The following NTNG1 variants were observed in gnomAD, a reference collection of about 807,000 sequenced individuals.
NTNG1 encodes the protein netrin-G1.
In NTNG1, 16 loss-of-function variants were observed where a neutral mutation model predicts 54.0. That is an observed-to-expected ratio of 0.30 (90% CI 0.20 to 0.45). NTNG1 has a LOEUF of 0.45. Among genes scored for constraint, NTNG1 ranks in the 20% least tolerant of loss-of-function variants. NTNG1 has a pLI of 1.00. For missense variants in NTNG1, 530 were observed against 678.7 expected (o/e 0.78, Z 2.43); for synonymous variants, 255 against 263.1 (o/e 0.97, Z 0.30).
At chr1:107,467,445 G>A (rs1326866666) in intron 7 of NTNG1, among the ~76,000 whole-genome samples, 1 of 152,126 alleles carries the variant, frequency 6.6e-6, no homozygotes, top group African/African-American at 2.4e-5. Context: ...GCAGTGCCTG[G>A]CACTTACAAA....
At chr1:107,210,073 A>G (rs1161359454) in intron 2 of NTNG1, among the ~76,000 whole-genome samples, 1 of 152,098 alleles carries the variant, frequency 6.6e-6, no homozygotes, top group Non-Finnish European at 1.5e-5. Context: ...ACTTTGAGCA[A>G]AGGCTGCAAT....
intron 2 of NTNG1, among the ~76,000 whole-genome samples, chr1:107,152,065 T>TACATACATATATACATGTATATAC (rs1654616184): frequency 1.3e-5 from 2 of 151,308 alleles, no homozygotes; most frequent in East Asian, 1.9e-4. Context: ...TACACATATA[T>TACATACATATATACATGTATATAC]ACATACATAT....
At chr1:107,480,589 T>TCCCTTCCCC in intron 7 of NTNG1, 22 bp from the exon 8 acceptor site, 1 of 202,796 alleles carries the variant, frequency 4.9e-6, no homozygotes, top group South Asian at 4.5e-5. Context: ...CACCCACCCC[T>TCCCTTCCCC]ACCTTCCCCC....
chr1:107,177,279 G>C (rs1656712067), intron 2 of NTNG1, among the ~76,000 whole-genome samples: 2 of 152,046 alleles, frequency 1.3e-5, no homozygotes, highest in South Asian at 4.1e-4. Flanking sequence ...GTACAGAAGA[G>C]CTATGAAAAG....
intron 2 of NTNG1, among the ~76,000 whole-genome samples, chr1:107,155,195 G>A (rs1040705972): frequency 2.6e-5 from 4 of 151,874 alleles, no homozygotes; most frequent in African/African-American, 7.3e-5. Flanking sequence ...TTTAACATGG[G>A]CTTTAGGATG....
At chr1:107,328,246 A>G (rs1668077788) in intron 3 of NTNG1, among the ~76,000 whole-genome samples, 1 of 152,150 alleles carries the variant, frequency 6.6e-6, no homozygotes, top group Non-Finnish European at 1.5e-5. Flanking sequence ...TCAGTAAATC[A>G]CGGTGATTTT....
intron 2 of NTNG1, among the ~76,000 whole-genome samples, chr1:107,313,745 A>G (rs1324667391): frequency 6.6e-6 from 1 of 152,304 alleles, no homozygotes; most frequent in East Asian, 1.9e-4. Context: ...GCAGTCCTAA[A>G]TTAATCCCTC....
intron 7 of NTNG1, among the ~76,000 whole-genome samples, chr1:107,452,094 C>T (rs899839718): frequency 6.6e-6 from 1 of 152,112 alleles, no homozygotes; most frequent in African/African-American, 2.4e-5. Context: ...ATTATTACAC[C>T]TCATTGGGGT....
At chr1:107,184,972 A>C (rs925730001) in intron 2 of NTNG1, among the ~76,000 whole-genome samples, 3 of 152,074 alleles carry the variant, frequency 2.0e-5, no homozygotes, top group Admixed American at 6.6e-5. Context: ...TGGGATTGGG[A>C]TCATCTTGAG....
At chr1:107,278,956 T>C (rs1044463710) in intron 2 of NTNG1, among the ~76,000 whole-genome samples, 1 of 152,196 alleles carries the variant, frequency 6.6e-6, no homozygotes. Flanking sequence ...TTCTTAATAG[T>C]TACATTTTGT....
At chr1:107,331,930 G>A (rs113635116) in intron 3 of NTNG1, among the ~76,000 whole-genome samples, 4 of 150,662 alleles carry the variant, frequency 2.7e-5, no homozygotes, top group Non-Finnish European at 1.5e-5. Context: ...CTTTTAAAAG[G>A]CAGAATGAAG....
At chr1:107,403,947 T>A (rs1673229432) in intron 4 of NTNG1, among the ~76,000 whole-genome samples, 1 of 151,926 alleles carries the variant, frequency 6.6e-6, no homozygotes, top group African/African-American at 2.4e-5. Flanking sequence ...ATCTAGTATC[T>A]TTCCTTCCTT....
At chr1:107,385,265 A>T (rs1230509891) in intron 3 of NTNG1, among the ~76,000 whole-genome samples, 2 of 152,018 alleles carry the variant, frequency 1.3e-5, no homozygotes, top group Non-Finnish European at 2.9e-5. Context: ...ATTACAGTGG[A>T]AGTTGTCTGA....
chr1:107,336,407 C>T (rs1382752262), intron 3 of NTNG1, among the ~76,000 whole-genome samples: 1 of 151,598 alleles, frequency 6.6e-6, no homozygotes, highest in Non-Finnish European at 1.5e-5. Flanking sequence ...TGAACAGTCA[C>T]ATGCAAGAAA....
chr1:107,241,302 A>G (rs1399147305), intron 2 of NTNG1, among the ~76,000 whole-genome samples: 1 of 152,242 alleles, frequency 6.6e-6, no homozygotes, highest in Non-Finnish European at 1.5e-5. Context: ...AGTTTCCTGC[A>G]TAATGACATT....
In NTNG1 at chr1:107,427,540, T is replaced by A. The variant is rs990563175; in HGVS notation, c.1088-3210T>A. Among the ~76,000 whole-genome samples, 15 of 152,096 alleles carry A rather than the reference T, an allele frequency of 9.9e-5. 1 individual carries two copies. The highest frequency in any genetic ancestry group is 1.0e-4 in the Non-Finnish European group (7 of 67,994). The stretch of plus-strand genomic sequence containing the variant: ...AAATAATATAGCAGTTTAAGAGTCA[T>A]ATTTGAAATACTTTGCATTTATATA... On this transcript the variant is annotated intron_variant, in intron 5 of 7. Coordinates refer to ENST00000370068, the MANE Select transcript of NTNG1 (RefSeq NM_001113226.3).
At position 107,209,873 on chromosome 1, in the gene NTNG1, T is replaced by C. The variant is rs34574640; in HGVS notation, c.246+61034T>C. ...CTGAAGTCAGGTCCATCACCGTTCT[T>C]TCTGTCAATACAGACTTCTTTTTTT... is the stretch of plus-strand genomic sequence containing the variant. On this transcript the variant is annotated intron_variant, in intron 2 of 7. Coordinates refer to ENST00000370068, the MANE Select transcript of NTNG1 (RefSeq NM_001113226.3). Among the ~76,000 whole-genome samples, 1,047 of 149,176 alleles carry C rather than the reference T, an allele frequency of 7.0e-3. 11 individuals carry two copies. Among genetic ancestry groups the C allele is most frequent in the African/African-American group, 0.025 (1,003 of 40,506 alleles).
At chr1:107,158,364 A>G (rs577173937) in intron 2 of NTNG1, among the ~76,000 whole-genome samples, 4 of 152,188 alleles carry the variant, frequency 2.6e-5, no homozygotes, top group Non-Finnish European at 4.4e-5. Context: ...ATAGATTCAT[A>G]TAGTATCTAT....
intron 3 of NTNG1, among the ~76,000 whole-genome samples, chr1:107,380,614 T>C (rs1425998858): frequency 6.6e-6 from 1 of 152,228 alleles, no homozygotes; most frequent in Non-Finnish European, 1.5e-5. Flanking sequence ...AATTTACTAT[T>C]GTTATTATTA....
Sources: gnomAD v4.1 joint callset for allele counts (sites outside exome capture counted in the v4.1 genomes callset) on GRCh38, gnomAD v4.1.1 for gene constraint, MANE v1.5 for transcripts, NCBI Gene and HGNC (gene_info 2026-07-23, HGNC 2026-07-21) for gene names.